ZNF385D: variants seen among roughly 807,000 people sequenced by gnomAD.
The protein encoded by ZNF385D is zinc finger protein 659.
ZNF385D carries 15 observed loss-of-function variants against 35.8 expected under a neutral mutation model. The observed-to-expected ratio is 0.42, with a 90% CI of 0.28 to 0.64. The LOEUF (loss-of-function observed/expected upper bound fraction) is 0.64. Ranked by LOEUF, ZNF385D falls within the 30% of genes least tolerant of loss-of-function variation. The pLI is 0.23. For missense variants in ZNF385D, 474 were observed against 494.6 expected, an observed-to-expected ratio of 0.96 and a Z score of 0.39; for synonymous variants, 212 against 186.8, an observed-to-expected ratio of 1.13 and a Z score of -1.10.
intron 1 of ZNF385D, among the ~76,000 whole-genome samples, chr3:21,719,641 A>G (rs886825558): frequency 3.9e-5 from 6 of 152,188 alleles, no homozygotes; most frequent in Non-Finnish European, 8.8e-5. Flanking sequence ...CCAGAGGACC[A>G]CCCAAAACAT....
chr3:22,086,863 C>T (rs1428139748), intron 3 of ZNF385D, among the ~76,000 whole-genome samples: 1 of 151,798 alleles, frequency 6.6e-6, no homozygotes, highest in Non-Finnish European at 1.5e-5. Flanking sequence ...TGTTGTCACT[C>T]ATAGGTGGGA....
At chr3:21,758,397 G>A (rs1036447208) in intron 3 of ZNF385D, among the ~76,000 whole-genome samples, 3 of 152,170 alleles carry the variant, frequency 2.0e-5, no homozygotes, top group Non-Finnish European at 2.9e-5. Flanking sequence ...TCTTGTTGTG[G>A]AAGGAGACAA....
At chr3:21,945,630 T>A (rs1701743911) in intron 3 of ZNF385D, among the ~76,000 whole-genome samples, 1 of 152,222 alleles carries the variant, frequency 6.6e-6, no homozygotes, top group Admixed American at 6.5e-5. Flanking sequence ...GGTAAATGTT[T>A]ATCTTCAAAA....
intron 2 of ZNF385D, among the ~76,000 whole-genome samples, chr3:22,176,198 G>GGT (rs144013538): frequency 0.028 from 4,173 of 151,248 alleles, 187 homozygotes; most frequent in African/African-American, 0.095. Context: ...CAGCTTCAGT[G>GGT]GTGTGTGTGT....
chr3:22,298,674 C>T lies in ZNF385D; in HGVS notation c.106+73776G>A, dbSNP rs1440822636. ...AATATTTTGAATATAAATGGGTATG[C>T]CTAAAATTAAAGATAAATAGAAAAC... On this transcript the variant is annotated intron_variant, in intron 2 of 5. Transcript: ENST00000494108. Among the ~76,000 whole-genome samples, 5 of 147,760 alleles carry T rather than the reference C, an allele frequency of 3.4e-5. No individual in the cohort carries two copies. The East Asian group carries it at 9.9e-4, about 29-fold the overall frequency.
chr3:21,854,545 C>T (rs1240517262), intron 3 of ZNF385D, among the ~76,000 whole-genome samples: 1 of 151,846 alleles, frequency 6.6e-6, no homozygotes, highest in East Asian at 1.9e-4. Flanking sequence ...CAACAAGGGA[C>T]CAGGCATTTT....
At chr3:22,002,106 A>T (rs1472315469) in intron 3 of ZNF385D, among the ~76,000 whole-genome samples, 2 of 115,844 alleles carry the variant, frequency 1.7e-5, no homozygotes, top group Non-Finnish European at 3.5e-5. Context: ...GCAGAACTAA[A>T]CAAAATAAAG....
At chr3:22,276,413 G>T (rs566774920) in intron 2 of ZNF385D, among the ~76,000 whole-genome samples, 15 of 152,204 alleles carry the variant, frequency 9.9e-5, no homozygotes, top group African/African-American at 3.6e-4. Context: ...AGTGGTATAA[G>T]AGTTTAAAAG....
intron 3 of ZNF385D, among the ~76,000 whole-genome samples, chr3:22,146,838 A>C (rs1704891889): frequency 6.6e-6 from 1 of 152,154 alleles, no homozygotes; most frequent in Non-Finnish European, 1.5e-5. Flanking sequence ...AAAATAAGGG[A>C]ATCTGTAAGC....
chr3:21,994,513 T>C (rs71312019), intron 3 of ZNF385D, among the ~76,000 whole-genome samples: 22,333 of 146,410 alleles, frequency 0.15, 1,738 homozygotes, highest in South Asian at 0.27. Flanking sequence ...CACCATTTTA[T>C]ATTTTTTTTT....
At chr3:21,820,874 T>C (rs576404002) in intron 3 of ZNF385D, among the ~76,000 whole-genome samples, 2 of 127,796 alleles carry the variant, frequency 1.6e-5, no homozygotes, top group East Asian at 2.3e-4. Context: ...GAAATCTAAG[T>C]GGGAAAAATA....
At chr3:21,756,511 G>C (rs7618602) in intron 3 of ZNF385D, among the ~76,000 whole-genome samples, 6 of 151,832 alleles carry the variant, frequency 4.0e-5, no homozygotes, top group African/African-American at 1.5e-4. Context: ...GAGCTCAAAG[G>C]AGATGTTTGG....
intron 2 of ZNF385D, among the ~76,000 whole-genome samples, chr3:21,636,708 TGTTAATCTCCTTTGGCA>T (rs2065461468): frequency 6.6e-6 from 1 of 151,776 alleles, no homozygotes; most frequent in Non-Finnish European, 1.5e-5. Flanking sequence ...CTGACTCAAA[TGTTAATCTCCTTTGGCA>T]ACACCCTCGC....
At chr3:21,989,946 A>G (rs1695056142) in intron 3 of ZNF385D, among the ~76,000 whole-genome samples, 1 of 152,168 alleles carries the variant, frequency 6.6e-6, no homozygotes, top group African/African-American at 2.4e-5. Context: ...ACAAAGATTT[A>G]TGTGTAACAT....
intron 1 of ZNF385D, among the ~76,000 whole-genome samples, chr3:21,720,255 A>C (rs573781144): frequency 6.6e-6 from 1 of 152,146 alleles, no homozygotes; most frequent in Non-Finnish European, 1.5e-5. Flanking sequence ...CATCATCGGG[A>C]AACTTGTTAG....
chr3:21,973,516 G>A (rs1703398758), intron 3 of ZNF385D, among the ~76,000 whole-genome samples: 1 of 151,992 alleles, frequency 6.6e-6, no homozygotes, highest in South Asian at 2.1e-4. Flanking sequence ...GATGAGACAA[G>A]GATGCCCACT....
intron 2 of ZNF385D, among the ~76,000 whole-genome samples, chr3:22,364,114 T>G (rs1248954643): frequency 6.6e-6 from 1 of 151,488 alleles, no homozygotes; most frequent in Non-Finnish European, 1.5e-5. Flanking sequence ...TAGGCTCTTA[T>G]TTTTTTGGAA....
chr3:22,135,311 CACATACCCCAACAT>C (rs982818067), intron 3 of ZNF385D, among the ~76,000 whole-genome samples: 2 of 136,828 alleles, frequency 1.5e-5, no homozygotes, highest in African/African-American at 7.2e-5. Flanking sequence ...CACACACACA[CACATACCCCAACAT>C]ACACACATAC....
chr3:22,134,654 A>G (rs1703998472), intron 3 of ZNF385D, among the ~76,000 whole-genome samples: 1 of 152,214 alleles, frequency 6.6e-6, no homozygotes, highest in Non-Finnish European at 1.5e-5. Flanking sequence ...CTACTACAAC[A>G]GAATCCCTAA....
Sources: gnomAD v4.1 joint callset for allele counts (sites outside exome capture counted in the v4.1 genomes callset) on GRCh38, gnomAD v4.1.1 for gene constraint, MANE v1.5 for transcripts, NCBI Gene and HGNC (gene_info 2026-07-23, HGNC 2026-07-21) for gene names.